CLTC: variants seen among roughly 807,000 people sequenced by gnomAD.
The protein encoded by CLTC is clathrin heavy chain 1.
In CLTC, 16 loss-of-function variants were observed where a neutral mutation model predicts 195.8. That is an observed-to-expected ratio of 0.08 (90% CI 0.06 to 0.12). CLTC has a LOEUF of 0.12. CLTC is among the 10% of genes least tolerant of loss of function. The probability of loss-of-function intolerance (pLI) is 1.00; values close to 1 mark genes in which losing one functional copy is unlikely to be tolerated. For synonymous variants in CLTC, 667 were observed against 689.4 expected, an observed-to-expected ratio of 0.97 and a Z score of 0.51; for missense variants, 796 against 2,027.0, an observed-to-expected ratio of 0.39 and a Z score of 11.66.
intron 17 of CLTC, among the ~76,000 whole-genome samples, chr17:59,678,382 C>CTT (rs78373931): frequency 0.12 from 17,807 of 152,134 alleles, 1,685 homozygotes; most frequent in East Asian, 0.46. Context: ...TTGATTCTTG[C>CTT]TTAAACCATT....
chr17:59,638,892 A>G (rs1826359484), intron 1 of CLTC, among the ~76,000 whole-genome samples: 1 of 151,460 alleles, frequency 6.6e-6, no homozygotes, highest in Admixed American at 6.6e-5. Context: ...CCTACCTTTT[A>G]CTCCCCACCT....
At position 59,674,703 on chromosome 17, in the gene CLTC, G is replaced by T. The variant is rs767094171; in HGVS notation, c.2421G>T (p.Val807=). 1 of 1,609,848 alleles carries T rather than the reference G, an allele frequency of 6.2e-7. No homozygotes were observed. The highest frequency in any genetic ancestry group is 1.7e-5 in the Admixed American group (1 of 59,378). The part of the protein sequence containing the change: ...QKYIEIYVQK[V]NPSRLPVVIG... ...CTTCTACTTCTTTTTAACCACAGGT[G>T]AATCCAAGTCGACTTCCTGTAGTTA... The change falls in exon 16 of 32, where the codon GTG becomes GTT. Residue 807 remains valine, a splice_region_variant and synonymous_variant. Transcript: ENST00000269122.
Position 59,664,794 on chromosome 17 carries a change from A to G in CLTC, c.1529A>G (p.Tyr510Cys). 3 of 1,613,918 alleles carry G rather than the reference A, an allele frequency of 1.9e-6. No homozygotes were observed. Among genetic ancestry groups the G allele is most frequent in the Non-Finnish European group, 2.5e-6 (3 of 1,179,840 alleles). Reference protein sequence around the residue: ...KIVLYAKKVGYTPDWIFLLRN... With the variant: ...KIVLYAKKVGCTPDWIFLLRN... The stretch of plus-strand genomic sequence containing the variant: ...GTCTTTGTTTGTTTATAGGTTGGAT[A>G]CACTCCAGATTGGATATTTCTGCTG... Residue 510 changes from tyrosine (Y) to cysteine (C), a missense_variant, in exon 10 of 32, where the codon TAC (tyrosine) becomes TGC (cysteine). Coordinates refer to ENST00000269122, the MANE Select transcript of CLTC (RefSeq NM_004859.4).
At chr17:59,658,042 T>C (rs1037053644) in intron 6 of CLTC, among the ~76,000 whole-genome samples, 1 of 151,686 alleles carries the variant, frequency 6.6e-6, no homozygotes, top group Non-Finnish European at 1.5e-5. Flanking sequence ...CTACTAAAAA[T>C]ACGAAAAAAA....
Position 59,685,041 on chromosome 17 carries a change from C to CTTT in CLTC, c.4435-6_4435-4dup. The CTTT allele has an allele frequency of 5.3e-6, 6 of 1,123,388 alleles. No individual in the cohort carries two copies. Among genetic ancestry groups the CTTT allele is most frequent in the South Asian group, 1.7e-5 (1 of 57,654 alleles). 69.6% of individuals were successfully genotyped at this position (1,123,388 alleles called of 1,614,324 possible). A position where few individuals can be genotyped will look rare whatever the true frequency, so the allele number is the denominator to read the frequency against. ...AAATACTGATCTGGCATTTGGATGG[C>CTTT]TTTTTTTTTTTAAGGCTCTGCGAAC... On this transcript the variant is annotated splice_polypyrimidine_tract_variant and intron_variant, in intron 28 of 31. Transcript: ENST00000269122. This position sits in a 1 kb window ranked among gnomAD's most constrained non-coding sequence, Gnocchi z 5.0.
intron 5 of CLTC, among the ~76,000 whole-genome samples, chr17:59,652,848 A>G (rs1390723046): frequency 3.3e-5 from 5 of 152,238 alleles, no homozygotes; most frequent in Admixed American, 2.6e-4. Context: ...CAGCCTGTCC[A>G]TTAAAGCCAG....
At chr17:59,621,060 C>G (rs966744575) in intron 1 of CLTC, among the ~76,000 whole-genome samples, 4 of 152,208 alleles carry the variant, frequency 2.6e-5, no homozygotes, top group African/African-American at 9.6e-5. Context: ...CACAGCTGCT[C>G]TGAGACCTGC....
intron 1 of CLTC, among the ~76,000 whole-genome samples, chr17:59,630,181 T>C (rs1156765343): frequency 6.6e-6 from 1 of 152,104 alleles, no homozygotes; most frequent in Non-Finnish European, 1.5e-5. Flanking sequence ...TTGTATTTTT[T>C]TGTAGAAATG....
At chr17:59,680,810 C>T (rs1414868347) in intron 18 of CLTC, 102 bp from the exon 19 acceptor site, 4 of 854,694 alleles carry the variant, frequency 4.7e-6, no homozygotes, top group Non-Finnish European at 7.1e-6. Context: ...TTTCCTACTT[C>T]ATTCTTTTCT....
intron 14 of CLTC, 86 bp from the exon 15 acceptor site, chr17:59,673,561 A>G (rs527591675): frequency 1.0e-6 from 1 of 976,006 alleles, no homozygotes; most frequent in Non-Finnish European, 1.6e-6. Flanking sequence ...CTCTCTTGTT[A>G]GCGTAGAACA....
chr17:59,638,804 C>G (rs1212356929), intron 1 of CLTC, among the ~76,000 whole-genome samples: 1 of 152,156 alleles, frequency 6.6e-6, no homozygotes, highest in African/African-American at 2.4e-5. Flanking sequence ...GAATACTGGT[C>G]TGCGGCCTGT....
At chr17:59,670,840 A>G (rs2032833714) in intron 14 of CLTC, 1 of 152,054 alleles carries the variant, frequency 6.6e-6, no homozygotes, top group Non-Finnish European at 1.5e-5. Flanking sequence ...TCCCCTCCAC[A>G]CTTGTGAACT....
At chr17:59,674,612 C>G in intron 15 of CLTC, 89 bp from the exon 16 acceptor site, 1 of 1,228,364 alleles carries the variant, frequency 8.1e-7, no homozygotes. Context: ...AAAAACTGAG[C>G]TTAAAAGCGA....
At chr17:59,671,664 G>A (rs544288634) in intron 14 of CLTC, among the ~76,000 whole-genome samples, 62 of 152,166 alleles carry the variant, frequency 4.1e-4, no homozygotes, top group Admixed American at 4.1e-3. Flanking sequence ...TGCTACCTTT[G>A]ATCTTATTTT....
chr17:59,628,547 A>G (rs538892321), intron 1 of CLTC, among the ~76,000 whole-genome samples: 1 of 152,162 alleles, frequency 6.6e-6, no homozygotes, highest in African/African-American at 2.4e-5. Context: ...CAGACTCTCT[A>G]ATTTCTCATT....
At chr17:59,690,540 C>A in intron 30 of CLTC, 96 bp from the exon 31 acceptor site, 1 of 774,948 alleles carries the variant, frequency 1.3e-6, no homozygotes, top group Non-Finnish European at 2.1e-6. Flanking sequence ...TTTATTTTGA[C>A]AGAATTTAAC....
At chr17:59,684,953 T>C in intron 28 of CLTC, 103 bp from the exon 29 acceptor site, 1 of 797,412 alleles carries the variant, frequency 1.3e-6, no homozygotes, top group East Asian at 2.7e-5. Context: ...TGAATCTAGG[T>C]GTCATATTAC....
chr17:59,651,115 T>C (rs1461349684), intron 4 of CLTC, 88 bp from the exon 5 acceptor site: 1 of 776,922 alleles, frequency 1.3e-6, no homozygotes, highest in East Asian at 2.5e-5. Flanking sequence ...AACATGTTGG[T>C]TGTTTCCATT....
At chr17:59,625,201 C>T (rs1287143646) in intron 1 of CLTC, among the ~76,000 whole-genome samples, 1 of 151,676 alleles carries the variant, frequency 6.6e-6, no homozygotes, top group Non-Finnish European at 1.5e-5. Context: ...CTCCGCCTTC[C>T]AGGTTCAAGT....
Sources: gnomAD v4.1 joint callset for allele counts (sites outside exome capture counted in the v4.1 genomes callset) on GRCh38, gnomAD v4.1.1 for gene constraint, Gnocchi (gnomAD v3.1) non-coding constraint, MANE v1.5 for transcripts, NCBI Gene and HGNC (gene_info 2026-07-23, HGNC 2026-07-21) for gene names.